The following PLXDC2 variants were observed in gnomAD, a reference collection of about 807,000 sequenced individuals.
PLXDC2 encodes plexin domain containing 2.
A neutral mutation model predicts 68.9 loss-of-function variants in PLXDC2; 40 were observed. The ratio of observed to expected loss-of-function variants is 0.58; its 90% CI spans 0.45 to 0.76. The LOEUF is 0.76. Among genes scored for constraint, PLXDC2 ranks in the 30% least tolerant of loss-of-function variants. The pLI is 0.00. For missense variants in PLXDC2, 644 were observed against 661.9 expected (o/e 0.97, Z 0.30); for synonymous variants, 243 against 234.2 (o/e 1.04, Z -0.34).
At chr10:19,839,797 G>A (rs145012806) in intron 1 of PLXDC2, among the ~76,000 whole-genome samples, 4 of 152,178 alleles carry the variant, frequency 2.6e-5, no homozygotes, top group African/African-American at 9.6e-5. Flanking sequence ...TAGATTTTGG[G>A]CATACATCCA....
At chr10:19,855,310 A>C (rs931550367) in intron 1 of PLXDC2, among the ~76,000 whole-genome samples, 1 of 152,142 alleles carries the variant, frequency 6.6e-6, no homozygotes, top group African/African-American at 2.4e-5. Context: ...ATTATCGTCA[A>C]TGGTTGGCTT....
intron 4 of PLXDC2, among the ~76,000 whole-genome samples, chr10:20,091,575 T>C (rs1260555647): frequency 6.6e-6 from 1 of 152,228 alleles, no homozygotes; most frequent in African/African-American, 2.4e-5. Flanking sequence ...AGGAATTTCA[T>C]GAAATGAAGG....
At chr10:19,957,598 AAT>A (rs768990670) in intron 1 of PLXDC2, among the ~76,000 whole-genome samples, 21 of 152,292 alleles carry the variant, frequency 1.4e-4, no homozygotes, top group Admixed American at 2.6e-4. Flanking sequence ...AATGCATCAT[AAT>A]ATATGTCACC....
At position 20,280,735 on chromosome 10, in the gene PLXDC2, A is replaced by G. The variant is rs976378632; in HGVS notation, c.*916A>G. Reference sequence around the variant, plus strand: ...AATCATTTTTGAAACAAAAATGTTAAGGGATTTTAAACATATGATTATTTT... The same window carrying G: ...AATCATTTTTGAAACAAAAATGTTAGGGGATTTTAAACATATGATTATTTT... On this transcript the variant is annotated 3_prime_UTR_variant, in exon 14 of 14. Transcript: ENST00000377252. The G allele has an allele frequency of 2.6e-5, 4 of 152,144 alleles. No homozygotes were observed. The highest frequency in any genetic ancestry group is 9.7e-5 in the African/African-American group (4 of 41,440). 9.4% of individuals were successfully genotyped at this position (152,144 alleles called of 1,614,324 possible). A position where few individuals can be genotyped will look rare whatever the true frequency, so the allele number is the denominator to read the frequency against.
chr10:19,995,811 G>C (rs770974772), intron 1 of PLXDC2, among the ~76,000 whole-genome samples: 2 of 152,188 alleles, frequency 1.3e-5, no homozygotes, highest in Non-Finnish European at 2.9e-5. Flanking sequence ...ACCTGGGGGA[G>C]TCAAGAGAAG....
In PLXDC2 at chr10:19,843,102, C is replaced by T. The variant is rs534267455; in HGVS notation, c.112+25911C>T. Among the ~76,000 whole-genome samples the T allele has an allele frequency of 5.3e-5, 8 of 151,856 alleles. No homozygotes were observed. The South Asian group carries it at 1.2e-3, about 24-fold the overall frequency. On this transcript the variant is annotated intron_variant, in intron 1 of 13. Coordinates refer to ENST00000377252, the MANE Select transcript of PLXDC2 (RefSeq NM_032812.9). The stretch of plus-strand genomic sequence containing the variant: ...ATTTACCGGACCCCTAATGTCTTTA[C>T]AACGATCTGCCACTGTATCTACAGC...
chr10:20,171,025 C>T (rs1564340974), intron 7 of PLXDC2, among the ~76,000 whole-genome samples: 1 of 151,780 alleles, frequency 6.6e-6, no homozygotes, highest in Non-Finnish European at 1.5e-5. Flanking sequence ...CAAACATAAC[C>T]ATTATAACTA....
At chr10:19,947,598 T>C (rs1833923556) in intron 1 of PLXDC2, among the ~76,000 whole-genome samples, 1 of 152,226 alleles carries the variant, frequency 6.6e-6, no homozygotes, top group South Asian at 2.1e-4. Flanking sequence ...ACCTGTCTCA[T>C]TGAATTTGGC....
rs1312054545 is a variant in PLXDC2, at chr10:20,245,410, A to G, written c.1378A>G (p.Ile460Val). The change falls in exon 13 of 14, where the codon ATC (isoleucine) becomes GTC (valine). Residue 460 changes from isoleucine (I) to valine (V), a missense_variant. Ile to Val is a conservative substitution (Grantham distance 29). Around this residue, in one of 3 missense-constraint regions of PLXDC2, gnomAD observed 330 missense variants for 327.9 expected, o/e 1.01. Transcript: ENST00000377252. ...CCTCCACGCTGGCCTCATCATTGGAATCCTCATCCTGGTCCTCATTGTAGC... is the reference window on the plus strand; with the variant it reads ...CCTCCACGCTGGCCTCATCATTGGAGTCCTCATCCTGGTCCTCATTGTAGC... ...GTLHAGLIIG[I>V]LILVLIVATA... is the part of the protein sequence containing the mutation. 6.2e-7 allele frequency: 1 copy of G among 1,614,012 alleles called. No homozygotes were observed. The highest frequency in any genetic ancestry group is 1.1e-5 in the South Asian group (1 of 91,076).
chr10:19,961,978 A>G (rs1366923133), intron 1 of PLXDC2, among the ~76,000 whole-genome samples: 2 of 152,176 alleles, frequency 1.3e-5, no homozygotes, highest in East Asian at 3.8e-4. Flanking sequence ...AACATCTCCT[A>G]TGCCTTTTTT....
chr10:19,863,199 G>A (rs1037768010), intron 1 of PLXDC2, among the ~76,000 whole-genome samples: 2 of 152,094 alleles, frequency 1.3e-5, no homozygotes, highest in Admixed American at 6.6e-5. Flanking sequence ...ATGTTTTGGG[G>A]CCCTTTTCCC....
At chr10:20,113,473 A>G (rs1417658971) in intron 4 of PLXDC2, among the ~76,000 whole-genome samples, 1 of 152,124 alleles carries the variant, frequency 6.6e-6, no homozygotes, top group Non-Finnish European at 1.5e-5. Context: ...AAAACTCTCT[A>G]ATGTGTCTAC....
chr10:20,052,290 A>G (rs1333178640), intron 3 of PLXDC2, among the ~76,000 whole-genome samples: 1 of 152,062 alleles, frequency 6.6e-6, no homozygotes, highest in Non-Finnish European at 1.5e-5. Flanking sequence ...AGAGTAATCC[A>G]TATTTTAGTA....
chr10:20,171,028 T>A (rs1589663917), intron 7 of PLXDC2, among the ~76,000 whole-genome samples: 1 of 152,108 alleles, frequency 6.6e-6, no homozygotes, highest in African/African-American at 2.4e-5. Flanking sequence ...ACATAACCAT[T>A]ATAACTAATT....
intron 2 of PLXDC2, among the ~76,000 whole-genome samples, chr10:20,008,238 T>C (rs975419936): frequency 1.3e-5 from 2 of 152,134 alleles, no homozygotes; most frequent in African/African-American, 4.8e-5. Context: ...AGGAAATAAG[T>C]CACCAGAAAA....
At chr10:20,278,431 GC>G (rs1836037357) in intron 13 of PLXDC2, among the ~76,000 whole-genome samples, 1 of 152,070 alleles carries the variant, frequency 6.6e-6, no homozygotes, top group South Asian at 2.1e-4. Flanking sequence ...GATGATTTCA[GC>G]CCCACCACAG....
chr10:20,066,415 A>G (rs534992599), intron 3 of PLXDC2, among the ~76,000 whole-genome samples: 1 of 152,324 alleles, frequency 6.6e-6, no homozygotes, highest in East Asian at 1.9e-4. Flanking sequence ...TGAAAGTGAG[A>G]ATGCATAAGG....
At chr10:19,882,939 T>C (rs10764174) in intron 1 of PLXDC2, among the ~76,000 whole-genome samples, 153 of 46,294 alleles carry the variant, frequency 3.3e-3, no homozygotes, top group African/African-American at 0.017. Context: ...ATTAAAATTT[T>C]TTTTTTTTTT....
intron 13 of PLXDC2, among the ~76,000 whole-genome samples, chr10:20,251,469 G>A (rs73605616): frequency 0.011 from 1,695 of 152,054 alleles, 29 homozygotes; most frequent in African/African-American, 0.037. Context: ...ATATATCTAG[G>A]TTCTACATTA....
Sources: gnomAD v4.1 joint callset for allele counts (sites outside exome capture counted in the v4.1 genomes callset) on GRCh38, gnomAD v4.1.1 for gene constraint, gnomAD v4.1.1 regional missense constraint, MANE v1.5 for transcripts, NCBI Gene and HGNC (gene_info 2026-07-23, HGNC 2026-07-21) for gene names.